ABCC4: variants seen among roughly 807,000 people sequenced by gnomAD.
ABCC4 encodes the protein ATP binding cassette subfamily C member 4 (PEL blood group).
ABCC4 carries 102 observed loss-of-function variants against 168.5 expected under a neutral mutation model. That is an observed-to-expected ratio of 0.61 (90% CI 0.52 to 0.71). The LOEUF is 0.71. Ranked by LOEUF, ABCC4 falls within the 30% of genes least tolerant of loss-of-function variation. ABCC4 has a pLI of 0.00. For missense variants in ABCC4, 1,402 were observed against 1,605.8 expected (o/e 0.87, Z 2.17); for synonymous variants, 617 against 590.7 (o/e 1.04, Z -0.65).
intron 21 of ABCC4, among the ~76,000 whole-genome samples, chr13:95,079,156 A>G (rs1043869482): frequency 6.6e-6 from 1 of 152,194 alleles, no homozygotes; most frequent in Non-Finnish European, 1.5e-5. Context: ...TGCAAAGACA[A>G]CTAACTAGTA....
intron 27 of ABCC4, 36 bp downstream of exon 27, chr13:95,053,059 C>T: frequency 6.4e-7 from 1 of 1,555,758 alleles, no homozygotes; most frequent in Non-Finnish European, 8.9e-7. Flanking sequence ...CATACTGAGG[C>T]TAACAGACTA....
intron 19 of ABCC4, among the ~76,000 whole-genome samples, chr13:95,116,243 A>T (rs1192010217): frequency 6.6e-6 from 1 of 152,198 alleles, no homozygotes; most frequent in Non-Finnish European, 1.5e-5. Context: ...TAAAAGAATT[A>T]AGGGAAAAAA....
chr13:95,211,896 A>T (rs1235618947), intron 4 of ABCC4, among the ~76,000 whole-genome samples: 1 of 152,078 alleles, frequency 6.6e-6, no homozygotes, highest in East Asian at 1.9e-4. Context: ...AAGTTAAAAA[A>T]TGGCCGGGCG....
intron 19 of ABCC4, among the ~76,000 whole-genome samples, chr13:95,156,664 A>G (rs7988595): frequency 6.6e-6 from 1 of 152,042 alleles, no homozygotes; most frequent in African/African-American, 2.4e-5. Flanking sequence ...TCAAAATATG[A>G]AGGAGGTGTC....
chr13:95,194,822 T>A lies in ABCC4; in HGVS notation c.1263+14A>T. On this transcript the variant is annotated intron_variant, in intron 9 of 30. Coordinates refer to ENST00000645237, the MANE Select transcript of ABCC4 (RefSeq NM_005845.5). ...ATCTTCAGCAGTCATGATCTTGCAT[T>A]AAGGATATGTTACCTTATCCCAAAA... is the stretch of plus-strand genomic sequence containing the variant. 1 of 1,603,760 alleles carries A rather than the reference T, an allele frequency of 6.2e-7. No homozygotes were observed. The highest frequency in any genetic ancestry group is 8.5e-7 in the Non-Finnish European group (1 of 1,171,334).
At chr13:95,078,552 G>A (rs114442884) in intron 21 of ABCC4, among the ~76,000 whole-genome samples, 3,878 of 152,282 alleles carry the variant, frequency 0.025, 149 homozygotes, top group African/African-American at 0.087. Context: ...ACCGTAAGAG[G>A]ACTGAGCTGG....
intron 19 of ABCC4, among the ~76,000 whole-genome samples, chr13:95,159,093 T>TTATATA (rs554884258): frequency 0.097 from 5,866 of 60,656 alleles, 619 homozygotes; most frequent in Non-Finnish European, 0.13. Context: ...TAAATAAATT[T>TTATATA]TATATATATA....
intron 9 of ABCC4, 131 bp from the exon 10 acceptor site, chr13:95,188,673 G>C (rs541551906): frequency 2.7e-6 from 2 of 741,192 alleles, no homozygotes; most frequent in African/African-American, 1.8e-5. Flanking sequence ...CCTATTTTAA[G>C]ATATTGTATC....
At chr13:95,029,248 AGAGAGAAAGAG>A (rs1422314769) in intron 30 of ABCC4, among the ~76,000 whole-genome samples, 8 of 5,084 alleles carry the variant, frequency 1.6e-3, no homozygotes, top group Admixed American at 2.9e-3. Context: ...AGAGAGAGAG[AGAGAGAAAGAG>A]AGAGAGAGAG....
At chr13:95,081,771 CA>C (rs1312879111) in intron 21 of ABCC4, among the ~76,000 whole-genome samples, 1 of 152,086 alleles carries the variant, frequency 6.6e-6, no homozygotes, top group African/African-American at 2.4e-5. Context: ...GAGGCTGAGG[CA>C]GGTGGGTCAC....
At chr13:95,298,899 C>A (rs2041604513) in intron 1 of ABCC4, among the ~76,000 whole-genome samples, 1 of 152,148 alleles carries the variant, frequency 6.6e-6, no homozygotes, top group Admixed American at 6.5e-5. Context: ...AACACCTACT[C>A]AAGTCATCAA....
chr13:95,132,979 C>T (rs1261561791), intron 19 of ABCC4, among the ~76,000 whole-genome samples: 1 of 151,948 alleles, frequency 6.6e-6, no homozygotes, highest in Non-Finnish European at 1.5e-5. Flanking sequence ...TGGATAAGTT[C>T]AGGAGATGGA....
intron 19 of ABCC4, among the ~76,000 whole-genome samples, chr13:95,134,268 A>T (rs1016985063): frequency 2.6e-5 from 4 of 152,218 alleles, no homozygotes; most frequent in Non-Finnish European, 5.9e-5. Context: ...TAAATGGAAG[A>T]AGACAGTGAC....
intron 1 of ABCC4, among the ~76,000 whole-genome samples, chr13:95,287,106 C>G (rs1007300378): frequency 1.3e-5 from 2 of 151,842 alleles, no homozygotes; most frequent in Middle Eastern, 3.2e-3. Flanking sequence ...TGAAACCAGC[C>G]TGGGCAACAT....
chr13:95,071,869 C>A lies in ABCC4; in HGVS notation c.3019-16G>T. On this transcript the variant is annotated splice_polypyrimidine_tract_variant and intron_variant, in intron 24 of 30. Coordinates refer to ENST00000645237, the MANE Select transcript of ABCC4 (RefSeq NM_005845.5). Reference sequence around the variant, plus strand: ...CTGAGATCATCTGAAAGAAATATGACATCCCGAGGGGTTAGGAATGGAGGG... The same window carrying A: ...CTGAGATCATCTGAAAGAAATATGAAATCCCGAGGGGTTAGGAATGGAGGG... The A allele has an allele frequency of 1.3e-6, 2 of 1,481,612 alleles. No individual in the cohort carries two copies. The highest frequency in any genetic ancestry group is 1.5e-5 in the South Asian group (1 of 66,262). 91.8% of individuals were successfully genotyped at this position (1,481,612 alleles called of 1,614,324 possible). A position where few individuals can be genotyped will look rare whatever the true frequency, so the allele number is the denominator to read the frequency against.
chr13:95,113,905 T>C (rs2035286499), intron 20 of ABCC4, among the ~76,000 whole-genome samples: 1 of 152,216 alleles, frequency 6.6e-6, no homozygotes, highest in African/African-American at 2.4e-5. Context: ...CCAGAGCTTT[T>C]ATATTTAGCT....
intron 4 of ABCC4, among the ~76,000 whole-genome samples, chr13:95,221,263 C>T (rs934964137): frequency 1.3e-5 from 2 of 152,180 alleles, no homozygotes; most frequent in Non-Finnish European, 2.9e-5. Context: ...GGGTCTCACT[C>T]CAGTGCCCAG....
intron 20 of ABCC4, among the ~76,000 whole-genome samples, chr13:95,087,569 G>C (rs1300879975): frequency 6.6e-6 from 1 of 152,174 alleles, no homozygotes; most frequent in East Asian, 1.9e-4. Context: ...TTCTTCTGGA[G>C]CCACTAAAAT....
At chr13:95,284,554 C>A (rs1202811447) in intron 1 of ABCC4, among the ~76,000 whole-genome samples, 1 of 152,186 alleles carries the variant, frequency 6.6e-6, no homozygotes, top group Non-Finnish European at 1.5e-5. Flanking sequence ...GGACACTGCC[C>A]ACAGGGAACT....
Sources: allele counts gnomAD v4.1 joint callset (sites outside exome capture counted in the v4.1 genomes callset), GRCh38; gene constraint gnomAD v4.1.1; transcripts MANE v1.5; gene names NCBI Gene and HGNC (gene_info 2026-07-23, HGNC 2026-07-21).